CHM: variants seen among roughly 807,000 people sequenced by gnomAD.
CHM encodes CHM Rab escort protein.
In CHM, 10 loss-of-function variants were observed where a neutral mutation model predicts 49.0. That is an observed-to-expected ratio of 0.20 (90% CI 0.13 to 0.35). CHM has a LOEUF of 0.35. Among genes scored for constraint, CHM ranks in the 10% least tolerant of loss-of-function variants. The pLI is 1.00. For missense variants in CHM, 455 were observed against 478.4 expected (o/e 0.95, Z 0.46); for synonymous variants, 184 against 167.5 (o/e 1.10, Z -0.76).
intron 11 of CHM, among the ~76,000 whole-genome samples, chrX:85,894,595 C>T (rs934627936): frequency 7.2e-5 from 8 of 111,016 alleles, no homozygotes; most frequent in Middle Eastern, 4.7e-3. Flanking sequence ...CTCCAAAATC[C>T]AAAATTTAGC....
At chrX:85,975,808 A>C (rs1230231384) in intron 4 of CHM, among the ~76,000 whole-genome samples, 1 of 112,389 alleles carries the variant, frequency 8.9e-6, no homozygotes, top group African/African-American at 3.2e-5. Flanking sequence ...AATACACACA[A>C]ACTCCATATC....
chrX:85,956,155 G>A lies in CHM; in HGVS notation c.1164C>T (p.Cys388=). 1.7e-6 allele frequency: 2 copies of A among 1,205,824 alleles called. No homozygotes were observed. The highest frequency in any genetic ancestry group is 2.3e-4 in the Middle Eastern group (1 of 4,343). The change falls in exon 8 of 15, where the codon TGC becomes TGT. Residue 388 remains cysteine (C), a splice_region_variant and synonymous_variant. Transcript: ENST00000357749. ...YGQGELPQCF[C]RMCAVFGGIY... is the part of the protein sequence containing the mutation. ...AAGAAAATCAATGGCAAACTTACCT[G>A]CAGAAACACTGGGGGAGTTCTCCTT... is the stretch of plus-strand genomic sequence containing the variant.
chrX:85,932,041 A>T (rs1484519831), intron 8 of CHM, among the ~76,000 whole-genome samples: 2 of 111,746 alleles, frequency 1.8e-5, no homozygotes, highest in Non-Finnish European at 3.8e-5. Context: ...ATTAAACTCA[A>T]TTTAATCTGG....
intron 4 of CHM, among the ~76,000 whole-genome samples, chrX:85,975,770 A>G (rs369991104): frequency 2.3e-4 from 26 of 112,475 alleles, no homozygotes; most frequent in African/African-American, 8.4e-4. Flanking sequence ...ACATGAACCC[A>G]CAAATGTGAT....
At chrX:85,975,150 G>A (rs1156871688) in intron 4 of CHM, among the ~76,000 whole-genome samples, 4 of 111,729 alleles carry the variant, frequency 3.6e-5, no homozygotes, top group Non-Finnish European at 7.5e-5. Context: ...ACCAAATTAA[G>A]GTAAGTATGT....
chrX:85,985,790 C>G (rs1931872662), intron 2 of CHM, among the ~76,000 whole-genome samples: 1 of 112,199 alleles, frequency 8.9e-6, no homozygotes, highest in African/African-American at 3.2e-5. Context: ...TCATTAGCAA[C>G]TGGAGCAGGC....
chrX:86,005,653 G>C (rs1932837017), intron 2 of CHM, among the ~76,000 whole-genome samples: 5 of 112,026 alleles, frequency 4.5e-5, no homozygotes, highest in Non-Finnish European at 7.5e-5. Context: ...AAATAAATTA[G>C]AAAATCTAGA....
chrX:86,038,189 C>T (rs1934321778), intron 1 of CHM, among the ~76,000 whole-genome samples: 1 of 111,796 alleles, frequency 8.9e-6, no homozygotes, highest in African/African-American at 3.3e-5. Context: ...TACATACCTC[C>T]CTCACAATTT....
At chrX:85,999,821 C>A (rs1932616826) in intron 2 of CHM, among the ~76,000 whole-genome samples, 2 of 111,882 alleles carry the variant, frequency 1.8e-5, no homozygotes, top group Non-Finnish European at 3.8e-5. Context: ...CAGAAGTTAA[C>A]TTTAGTTTAA....
intron 2 of CHM, among the ~76,000 whole-genome samples, chrX:86,004,995 T>C (rs1300093596): frequency 1.8e-5 from 2 of 111,994 alleles, no homozygotes; most frequent in Non-Finnish European, 3.8e-5. Flanking sequence ...TATTCCAAAA[T>C]TGACCACATA....
At position 85,931,140 on chromosome X, in the gene CHM, A is replaced by G. The variant is rs915713963; in HGVS notation, c.1167-19802T>C. On this transcript the variant is annotated intron_variant, in intron 8 of 14. Coordinates refer to ENST00000357749, the MANE Select transcript of CHM (RefSeq NM_000390.4). ...ATGAATCAAGGTAATTCTGATAAAA[A>G]TAATTATTAATTTAAATTTTATGTT... Among the ~76,000 whole-genome samples the G allele has an allele frequency of 3.6e-5, 4 of 111,503 alleles. No individual in the cohort carries two copies. In the Admixed American group the frequency reaches 3.8e-4, roughly 11 times the overall value.
intron 2 of CHM, among the ~76,000 whole-genome samples, chrX:86,015,436 A>C (rs1178779862): frequency 9.0e-6 from 1 of 111,721 alleles, no homozygotes; most frequent in Non-Finnish European, 1.9e-5. Context: ...GCGTGAAAAC[A>C]GACCGATACA....
chrX:85,984,750 G>T (rs1418599300), intron 2 of CHM, among the ~76,000 whole-genome samples: 3 of 111,468 alleles, frequency 2.7e-5, no homozygotes, highest in Non-Finnish European at 5.6e-5. Context: ...CCATAAAATG[G>T]GATACTATTC....
chrX:86,039,859 T>C (rs1934393719), intron 1 of CHM, among the ~76,000 whole-genome samples: 1 of 111,325 alleles, frequency 9.0e-6, no homozygotes, highest in Non-Finnish European at 1.9e-5. Context: ...CTTGACAGCG[T>C]AACTTCGAAG....
At chrX:85,868,524 C>A (rs764753517) in intron 14 of CHM, among the ~76,000 whole-genome samples, 18 of 111,326 alleles carry the variant, frequency 1.6e-4, no homozygotes, top group Admixed American at 1.2e-3. Context: ...TCTGTTTTTA[C>A]TATCTGTAAA....
intron 8 of CHM, among the ~76,000 whole-genome samples, chrX:85,931,462 T>C (rs1016534760): frequency 1.8e-5 from 2 of 112,057 alleles, no homozygotes; most frequent in African/African-American, 6.5e-5. Context: ...TATTTTTTCA[T>C]CCAAACAAGA....
At chrX:86,021,116 G>A (rs868269918) in intron 2 of CHM, among the ~76,000 whole-genome samples, 66 of 45,466 alleles carry the variant, frequency 1.5e-3, no homozygotes, top group Non-Finnish European at 2.2e-3. Flanking sequence ...GTATATATAT[G>A]TGTATATACG....
chrX:86,037,273 C>T (rs755276382), intron 1 of CHM, among the ~76,000 whole-genome samples: 2 of 109,002 alleles, frequency 1.8e-5, no homozygotes, highest in South Asian at 8.1e-4. Context: ...CCTGCCACTA[C>T]GCCTGGATAA....
At chrX:85,908,303 T>C (rs1926727331) in intron 9 of CHM, among the ~76,000 whole-genome samples, 1 of 111,747 alleles carries the variant, frequency 8.9e-6, no homozygotes, top group African/African-American at 3.2e-5. Context: ...TAACAAAATA[T>C]CTCCTATTAC....
Sources: gnomAD v4.1 joint callset for allele counts (sites outside exome capture counted in the v4.1 genomes callset) on GRCh38, gnomAD v4.1.1 for gene constraint, MANE v1.5 for transcripts, NCBI Gene and HGNC (gene_info 2026-07-23, HGNC 2026-07-21) for gene names.